Variants in SEPTIN6 observed in about 807,000 individuals in gnomAD.
SEPTIN6 encodes septin-6.
In SEPTIN6, 8 loss-of-function variants were observed where a neutral mutation model predicts 33.6. The ratio of observed to expected loss-of-function variants is 0.24; its 90% CI spans 0.14 to 0.43. SEPTIN6 has a LOEUF of 0.43. Ranked by LOEUF, SEPTIN6 falls within the 20% of genes least tolerant of loss-of-function variation. The pLI, the probability that SEPTIN6 is intolerant of heterozygous loss-of-function variation, is 1.00. For missense variants in SEPTIN6, 250 were observed against 340.8 expected, an observed-to-expected ratio of 0.73 and a Z score of 2.10; for synonymous variants, 131 against 140.0, an observed-to-expected ratio of 0.94 and a Z score of 0.45.
At chrX:119,647,122 G>A (rs1314047465) in intron 5 of SEPTIN6, among the ~76,000 whole-genome samples, 5 of 110,368 alleles carry the variant, frequency 4.5e-5, no homozygotes, top group African/African-American at 1.3e-4. Context: ...CCAGCTACTC[G>A]GGAGGCTGAG....
chrX:119,617,957 C>T lies in SEPTIN6; in HGVS notation c.*2136G>A, dbSNP rs926344059. 5 of 802,183 alleles carry T rather than the reference C, an allele frequency of 6.2e-6. No homozygotes were observed. In the African/African-American group the frequency reaches 6.6e-5, roughly 11 times the overall value. 66.1% of individuals were successfully genotyped at this position (802,183 alleles called of 1,213,427 possible). ...ATCTGTACACAAATGCAAATGAGGG[C>T]GCCTCCGGTTTGTAATGCAAATAAT... is the stretch of plus-strand genomic sequence containing the variant. On this transcript the variant is annotated 3_prime_UTR_variant, in exon 11 of 11. Coordinates refer to ENST00000394610, the MANE Select transcript of SEPTIN6 (RefSeq NM_145799.4).
In SEPTIN6 at chrX:119,618,032, C is replaced by T. The variant is rs1310883993; in HGVS notation, c.*2061G>A. 1.2e-6 allele frequency: 1 copy of T among 803,808 alleles called. No individual in the cohort carries two copies. The highest frequency in any genetic ancestry group is 1.5e-6 in the Non-Finnish European group (1 of 670,989). 66.2% of individuals were successfully genotyped at this position (803,808 alleles called of 1,213,427 possible). ...GGTGGTTACCGGTTGGTTGTTTAAGCGTGAATTTCTGGGAAAGCAGCTCTG... is the reference window on the plus strand; with the variant it reads ...GGTGGTTACCGGTTGGTTGTTTAAGTGTGAATTTCTGGGAAAGCAGCTCTG... On this transcript the variant is annotated 3_prime_UTR_variant, in exon 11 of 11. Coordinates refer to ENST00000394610, the MANE Select transcript of SEPTIN6 (RefSeq NM_145799.4).
intron 5 of SEPTIN6, among the ~76,000 whole-genome samples, chrX:119,648,665 C>T (rs2054304792): frequency 9.0e-6 from 1 of 111,425 alleles, no homozygotes; most frequent in African/African-American, 3.3e-5. Flanking sequence ...GACAGGAAGT[C>T]AGGAGAGACA....
rs201551217 is a variant in SEPTIN6 at position 119,663,547 on chromosome X, G to A, written c.276C>T (p.Asn92=). 2.6e-6 allele frequency: 3 copies of A among 1,166,793 alleles called. No homozygotes were observed. The highest frequency in any genetic ancestry group is 1.8e-5 in the African/African-American group (1 of 54,618). The change falls in exon 3 of 11, where the codon AAC becomes AAT. Residue 92 remains asparagine (N), a synonymous_variant. Transcript: ENST00000394610. ...QSNTYDLQES[N]VRLKLTIVST... is the part of the protein sequence containing the mutation. ...TAACGATCGTGAGCTTTAGCCTCAC[G>A]TTGCTCTCTTGGAGGTCATAGGTAT...
At chrX:119,640,662 G>C (rs752085658) in intron 6 of SEPTIN6, 30 bp downstream of exon 6, 1 of 1,085,332 alleles carries the variant, frequency 9.2e-7, no homozygotes, top group African/African-American at 1.8e-5. Context: ...GGGGCTTCCT[G>C]TGTGTAGCCC....
At chrX:119,679,816 C>T (rs1012288265) in intron 1 of SEPTIN6, among the ~76,000 whole-genome samples, 21 of 111,499 alleles carry the variant, frequency 1.9e-4, no homozygotes, top group Non-Finnish European at 3.0e-4. Flanking sequence ...GCCGAGATTG[C>T]GCCACTGCAC....
chrX:119,661,130 A>G (rs766994917), intron 3 of SEPTIN6, among the ~76,000 whole-genome samples: 1 of 107,556 alleles, frequency 9.3e-6, no homozygotes, highest in South Asian at 4.1e-4. Context: ...ATTATTAAGA[A>G]GCTATATATA....
In SEPTIN6 at chrX:119,619,024, G is replaced by A. The variant is rs2053707339; in HGVS notation, c.*1069C>T. ...TCCTTAAATTGGAAAGAAAGTTAAG[G>A]GCCTTTTCTTCTCTCCGGCCGAGTC... On this transcript the variant is annotated 3_prime_UTR_variant, in exon 11 of 11. Transcript: ENST00000394610. 8 of 963,721 alleles carry A rather than the reference G, an allele frequency of 8.3e-6. No homozygotes were observed. Among genetic ancestry groups the A allele is most frequent in the East Asian group, 4.1e-5 (1 of 24,566 alleles). 79.4% of individuals were successfully genotyped at this position (963,721 alleles called of 1,213,427 possible).
intron 5 of SEPTIN6, among the ~76,000 whole-genome samples, chrX:119,649,330 G>A (rs1234679261): frequency 9.4e-6 from 1 of 105,947 alleles, no homozygotes; most frequent in Non-Finnish European, 1.9e-5. Flanking sequence ...CCGACCTCAG[G>A]TGATCTACCC....
chrX:119,636,050 C>T (rs1312130270), intron 7 of SEPTIN6, among the ~76,000 whole-genome samples: 1 of 111,399 alleles, frequency 9.0e-6, no homozygotes, highest in African/African-American at 3.3e-5. Context: ...GGAAGACAGC[C>T]AGGGAGCTCC....
At chrX:119,644,380 A>C (rs1379759063) in intron 5 of SEPTIN6, among the ~76,000 whole-genome samples, 1 of 108,343 alleles carries the variant, frequency 9.2e-6, no homozygotes, top group Non-Finnish European at 1.9e-5. Flanking sequence ...CCTGAGACTG[A>C]GTAATTTATC....
chrX:119,652,142 T>A lies in SEPTIN6; in HGVS notation c.528+712A>T, dbSNP rs747959423. On this transcript the variant is annotated intron_variant, in intron 4 of 10. Coordinates refer to ENST00000394610, the MANE Select transcript of SEPTIN6 (RefSeq NM_145799.4). The stretch of plus-strand genomic sequence containing the variant: ...TTTCGCCATGTTGGCCAGGCTGGTC[T>A]CGAACTCCTGACCTCAGATGACCCG... 3.6e-5 allele frequency among the ~76,000 whole-genome samples: 4 copies of A among 112,174 alleles called. No individual in the cohort carries two copies. The South Asian group carries it at 1.5e-3, about 42-fold the overall frequency.
intron 3 of SEPTIN6, among the ~76,000 whole-genome samples, chrX:119,657,028 T>A (rs748790383): frequency 1.8e-5 from 2 of 108,623 alleles, no homozygotes; most frequent in East Asian, 5.8e-4. Flanking sequence ...AGACCAGCCC[T>A]GCCAACACAG....
intron 9 of SEPTIN6, among the ~76,000 whole-genome samples, chrX:119,627,692 G>A (rs752859246): frequency 9.1e-6 from 1 of 109,977 alleles, no homozygotes; most frequent in Admixed American, 9.8e-5. Context: ...CGGCCATGGA[G>A]AGGTGAGCAA....
intron 8 of SEPTIN6, among the ~76,000 whole-genome samples, chrX:119,631,182 C>CTTTT (rs1045034639): frequency 1.1e-5 from 1 of 94,981 alleles, no homozygotes; most frequent in Non-Finnish European, 2.1e-5. Context: ...TTTTTCTTTT[C>CTTTT]TTTTTTTTTT....
chrX:119,617,744 C>G lies in SEPTIN6; in HGVS notation c.*2349G>C, dbSNP rs2053688272. 1 of 776,546 alleles carries G rather than the reference C, an allele frequency of 1.3e-6. No individual in the cohort carries two copies. The highest frequency in any genetic ancestry group is 1.6e-6 in the Non-Finnish European group (1 of 644,898). 64.0% of individuals were successfully genotyped at this position (776,546 alleles called of 1,213,427 possible). ...CTTCTGCCTCGAAACAGAAGTGGGA[C>G]CTCGGTCAAGTCCCTTCCCTTCTCT... On this transcript the variant is annotated 3_prime_UTR_variant, in exon 11 of 11. Transcript: ENST00000394610.
chrX:119,654,444 G>A (rs998254887), intron 3 of SEPTIN6, among the ~76,000 whole-genome samples: 3 of 111,603 alleles, frequency 2.7e-5, no homozygotes, highest in Non-Finnish European at 5.7e-5. Context: ...GCTAGAAGAG[G>A]CTTGTCATGT....
intron 10 of SEPTIN6, among the ~76,000 whole-genome samples, chrX:119,624,680 C>T (rs1399003182): frequency 9.0e-6 from 1 of 111,041 alleles, no homozygotes; most frequent in Non-Finnish European, 1.9e-5. Context: ...CTCATCACCA[C>T]GGTTTCATTA....
At chrX:119,668,983 T>C (rs768646844) in intron 2 of SEPTIN6, among the ~76,000 whole-genome samples, 2 of 112,124 alleles carry the variant, frequency 1.8e-5, no homozygotes, top group East Asian at 5.5e-4. Flanking sequence ...GTTATTCTTA[T>C]GCCTTTGCAT....
Sources: allele counts gnomAD v4.1 joint callset (sites outside exome capture counted in the v4.1 genomes callset), GRCh38; gene constraint gnomAD v4.1.1; transcripts MANE v1.5; gene names NCBI Gene and HGNC (gene_info 2026-07-23, HGNC 2026-07-21).